Variants in DLG2 observed in about 807,000 individuals in gnomAD.
The protein encoded by DLG2 is disks large homolog 2.
In DLG2, 45 loss-of-function variants were observed where a neutral mutation model predicts 132.5. That is an observed-to-expected ratio of 0.34 (90% CI 0.27 to 0.44). The LOEUF is 0.44. DLG2 is among the 20% of genes least tolerant of loss of function. DLG2 has a pLI of 1.00. For synonymous variants in DLG2, 424 were observed against 419.6 expected (o/e 1.01, Z -0.13); for missense variants, 1,045 against 1,196.9 (o/e 0.87, Z 1.87).
chr11:84,419,858 G>C (rs747715543), intron 7 of DLG2, among the ~76,000 whole-genome samples: 1 of 152,132 alleles, frequency 6.6e-6, no homozygotes, highest in Non-Finnish European at 1.5e-5. Context: ...TACACACTGC[G>C]TGCTTGGCTC....
At position 84,248,338 on chromosome 11, in the gene DLG2, T is replaced by C. The variant is rs1206973747; in HGVS notation, c.573+2900A>G. 2.0e-5 allele frequency among the ~76,000 whole-genome samples: 3 copies of C among 151,836 alleles called. No individual in the cohort carries two copies. In the East Asian group the frequency reaches 5.8e-4, roughly 29 times the overall value. ...GTGTTTATTTTTTTTTTCAAAAAAA[T>C]GATAAATACTTTAGCTGCTATCAAC... On this transcript the variant is annotated intron_variant, in intron 8 of 27. Coordinates refer to ENST00000376104, the MANE Select transcript of DLG2 (RefSeq NM_001142699.3).
chr11:85,143,815 G>C (rs528574921), intron 5 of DLG2, among the ~76,000 whole-genome samples: 85 of 151,794 alleles, frequency 5.6e-4, no homozygotes, highest in African/African-American at 1.8e-3. Context: ...TCAATGTTTT[G>C]AATGTTTTAA....
At chr11:85,018,428 G>A (rs1472695507) in intron 6 of DLG2, among the ~76,000 whole-genome samples, 1 of 151,106 alleles carries the variant, frequency 6.6e-6, no homozygotes, top group Non-Finnish European at 1.5e-5. Context: ...CATATGTTTT[G>A]AATTTTAAAA....
intron 3 of DLG2, among the ~76,000 whole-genome samples, chr11:85,325,077 G>A (rs1431111210): frequency 2.9e-5 from 4 of 137,528 alleles, no homozygotes; most frequent in East Asian, 4.4e-4. Context: ...CTTAAGAAAC[G>A]GCGCACCACG....
intron 3 of DLG2, among the ~76,000 whole-genome samples, chr11:85,455,696 C>T (rs1051722417): frequency 2.0e-5 from 3 of 152,034 alleles, no homozygotes; most frequent in African/African-American, 7.2e-5. Flanking sequence ...GAAGTATGCT[C>T]CTTCAGTGCC....
intron 3 of DLG2, among the ~76,000 whole-genome samples, chr11:85,530,203 T>C (rs1176992309): frequency 1.3e-5 from 2 of 151,936 alleles, no homozygotes; most frequent in Non-Finnish European, 2.9e-5. Flanking sequence ...TCCACATTGG[T>C]CAAGCTGGTC....
upstream of DLG2, among the ~76,000 whole-genome samples, chr11:85,628,255 C>G (rs537825341): frequency 6.6e-6 from 1 of 152,328 alleles, no homozygotes; most frequent in South Asian, 2.1e-4. Flanking sequence ...AGCTAGTTCC[C>G]AGCTGCCCTG....
At chr11:83,933,094 C>T (rs1260849219) in intron 14 of DLG2, among the ~76,000 whole-genome samples, 1 of 152,180 alleles carries the variant, frequency 6.6e-6, no homozygotes. Flanking sequence ...TGTGTGACCT[C>T]TGCCCATCAG....
chr11:84,223,914 C>T (rs1226492723), intron 8 of DLG2, among the ~76,000 whole-genome samples: 1 of 152,156 alleles, frequency 6.6e-6, no homozygotes, highest in African/African-American at 2.4e-5. Flanking sequence ...TCTTCCACTC[C>T]TTCCCTGGCA....
rs907617952 is a variant in DLG2 at position 83,532,907 on chromosome 11, T to C, written c.2118-124A>G. ...CTCAAATAAAATGTGTTCTAAAATA[T>C]TTCTCTTCCTTTGTTCCATATAAAA... is the stretch of plus-strand genomic sequence containing the variant. On this transcript the variant is annotated intron_variant, in intron 20 of 27. Coordinates refer to ENST00000376104, the MANE Select transcript of DLG2 (RefSeq NM_001142699.3). 1.2e-5 allele frequency: 9 copies of C among 768,094 alleles called. No homozygotes were observed. In the African/African-American group the frequency reaches 1.6e-4, roughly 14 times the overall value. The allele number at this position is 768,094 out of a possible 1,614,324, so 47.6% of individuals were successfully genotyped here.
intron 3 of DLG2, among the ~76,000 whole-genome samples, chr11:85,306,058 T>C (rs538129667): frequency 6.6e-6 from 1 of 152,216 alleles, no homozygotes; most frequent in African/African-American, 2.4e-5. Flanking sequence ...TTAATTTCTA[T>C]GAGATTCAAT....
At chr11:84,904,241 A>T (rs1457614160) in intron 6 of DLG2, among the ~76,000 whole-genome samples, 3 of 152,140 alleles carry the variant, frequency 2.0e-5, no homozygotes, top group African/African-American at 7.2e-5. Context: ...AACAAATTCT[A>T]TCTATATTCT....
At chr11:83,474,949 C>G (rs1160556464) in intron 22 of DLG2, among the ~76,000 whole-genome samples, 1 of 152,074 alleles carries the variant, frequency 6.6e-6, no homozygotes, top group Non-Finnish European at 1.5e-5. Context: ...CAAAGCATAG[C>G]TTTGATTAAT....
At chr11:85,152,001 G>A (rs185670365) in intron 5 of DLG2, among the ~76,000 whole-genome samples, 1 of 152,236 alleles carries the variant, frequency 6.6e-6, no homozygotes, top group Admixed American at 6.5e-5. Context: ...TCCCACAGCT[G>A]AGTGGCATTC....
At chr11:84,247,874 T>C (rs2097323133) in intron 8 of DLG2, among the ~76,000 whole-genome samples, 1 of 152,222 alleles carries the variant, frequency 6.6e-6, no homozygotes. Flanking sequence ...TTAATACATT[T>C]ACTTGCAATG....
intron 7 of DLG2, among the ~76,000 whole-genome samples, chr11:84,251,887 C>T (rs2097382676): frequency 6.6e-6 from 1 of 151,808 alleles, no homozygotes; most frequent in Non-Finnish European, 1.5e-5. Context: ...ATCTACCCAC[C>T]TCGGACTCCC....
chr11:83,610,141 C>T (rs545151723), intron 19 of DLG2, among the ~76,000 whole-genome samples: 2 of 152,244 alleles, frequency 1.3e-5, no homozygotes, highest in African/African-American at 4.8e-5. Context: ...TCTCTAAGAC[C>T]TGGGCTCCTG....
At chr11:85,035,036 C>T (rs1027700483) in intron 6 of DLG2, among the ~76,000 whole-genome samples, 4 of 151,860 alleles carry the variant, frequency 2.6e-5, no homozygotes, top group African/African-American at 9.7e-5. Flanking sequence ...TTTTTATGTC[C>T]CTCACAAAAT....
At chr11:85,317,417 T>C (rs1165482654) in intron 3 of DLG2, among the ~76,000 whole-genome samples, 3 of 151,818 alleles carry the variant, frequency 2.0e-5, no homozygotes, top group Non-Finnish European at 4.4e-5. Context: ...TCCAAAAACA[T>C]TAATTTGCCC....
Sources: allele counts gnomAD v4.1 joint callset (sites outside exome capture counted in the v4.1 genomes callset), GRCh38; gene constraint gnomAD v4.1.1; transcripts MANE v1.5; gene names NCBI Gene and HGNC (gene_info 2026-07-23, HGNC 2026-07-21).